Variants in SRPK1 observed in about 807,000 individuals in gnomAD.
The protein encoded by SRPK1 is SFRS protein kinase 1.
SRPK1 carries 52 observed loss-of-function variants against 89.5 expected under a neutral mutation model. The observed-to-expected ratio is 0.58, with a 90% CI of 0.46 to 0.73. The LOEUF is 0.73. Ranked by LOEUF, SRPK1 falls within the 30% of genes least tolerant of loss-of-function variation. SRPK1 has a pLI of 0.00. For missense variants in SRPK1, 603 were observed against 780.6 expected (o/e 0.77, Z 2.71); for synonymous variants, 255 against 270.2 (o/e 0.94, Z 0.55).
Position 35,870,500 on chromosome 6 carries a change from C to A in SRPK1, c.778-6G>T. 6.5e-7 allele frequency: 1 copy of A among 1,549,802 alleles called. No homozygotes were observed. The highest frequency in any genetic ancestry group is 1.2e-5 in the South Asian group (1 of 83,958). Reference sequence around the variant, plus strand: ...TTCTTTGACATTTTGTCAGCCTGGGCGGAGATTACAAACAGATAAAGCCTT... The same window carrying A: ...TTCTTTGACATTTTGTCAGCCTGGGAGGAGATTACAAACAGATAAAGCCTT... On this transcript the variant is annotated splice_polypyrimidine_tract_variant and splice_region_variant and intron_variant, in intron 9 of 15. Transcript: ENST00000373825.
At chr6:35,863,049 G>C (rs1330494570) in intron 12 of SRPK1, among the ~76,000 whole-genome samples, 1 of 151,968 alleles carries the variant, frequency 6.6e-6, no homozygotes, top group Non-Finnish European at 1.5e-5. Flanking sequence ...TACTCAGGAG[G>C]CTGAGCCAGG....
At chr6:35,882,695 A>C (rs564931748) in intron 6 of SRPK1, among the ~76,000 whole-genome samples, 1 of 152,322 alleles carries the variant, frequency 6.6e-6, no homozygotes, top group East Asian at 1.9e-4. Context: ...AGGTACAGAC[A>C]AAACAAGATT....
intron 6 of SRPK1, among the ~76,000 whole-genome samples, chr6:35,875,846 G>A (rs1181860154): frequency 6.6e-6 from 1 of 152,024 alleles, no homozygotes; most frequent in Non-Finnish European, 1.5e-5. Flanking sequence ...TTACAACTGG[G>A]AAATCTGGAA....
chr6:35,890,298 A>G (rs1267019035), intron 3 of SRPK1, among the ~76,000 whole-genome samples: 3 of 152,194 alleles, frequency 2.0e-5, no homozygotes, highest in Admixed American at 1.3e-4. Context: ...AAAACAGAAG[A>G]AGGCCTGAAA....
At chr6:35,916,878 G>A (rs1269696240) in intron 2 of SRPK1, among the ~76,000 whole-genome samples, 1 of 152,154 alleles carries the variant, frequency 6.6e-6, no homozygotes, top group African/African-American at 2.4e-5. Flanking sequence ...CCAACATGGT[G>A]AAACCCTGTC....
chr6:35,839,301 C>T (rs1200083895), intron 14 of SRPK1, among the ~76,000 whole-genome samples: 1 of 152,152 alleles, frequency 6.6e-6, no homozygotes, highest in Non-Finnish European at 1.5e-5. Flanking sequence ...CAGGCCTGAG[C>T]CACCACCTGG....
intron 15 of SRPK1, among the ~76,000 whole-genome samples, 165 bp downstream of exon 15, chr6:35,838,172 C>T (rs1245335562): frequency 1.3e-5 from 2 of 151,982 alleles, no homozygotes; most frequent in Non-Finnish European, 2.9e-5. Context: ...CCGGCTCAGT[C>T]TCTGCTCTTG....
intron 13 of SRPK1, among the ~76,000 whole-genome samples, chr6:35,843,832 C>G (rs1769370436): frequency 6.6e-6 from 1 of 152,008 alleles, no homozygotes; most frequent in African/African-American, 2.4e-5. Flanking sequence ...GTCAGCACTC[C>G]CTAATTAGGA....
At chr6:35,848,227 A>G (rs1263490710) in intron 13 of SRPK1, among the ~76,000 whole-genome samples, 2 of 152,228 alleles carry the variant, frequency 1.3e-5, no homozygotes, top group Non-Finnish European at 2.9e-5. Context: ...TGGAATCACA[A>G]AACATCCCAA....
intron 2 of SRPK1, among the ~76,000 whole-genome samples, chr6:35,916,234 A>T (rs1024473832): frequency 2.7e-5 from 4 of 148,646 alleles, no homozygotes; most frequent in African/African-American, 5.1e-5. Context: ...TCAAATAAAT[A>T]AATAAATAAA....
At chr6:35,837,612 C>T (rs1400637086) in intron 15 of SRPK1, among the ~76,000 whole-genome samples, 1 of 151,682 alleles carries the variant, frequency 6.6e-6, no homozygotes, top group Non-Finnish European at 1.5e-5. Flanking sequence ...TGCTGGAGTG[C>T]AGTGGCAATC....
intron 13 of SRPK1, among the ~76,000 whole-genome samples, chr6:35,853,071 C>T (rs721694): frequency 0.31 from 47,839 of 151,882 alleles, 7,772 homozygotes; most frequent in South Asian, 0.42. Context: ...AAGACCTGGT[C>T]TCTACAAAAA....
intron 2 of SRPK1, among the ~76,000 whole-genome samples, chr6:35,909,203 C>T (rs1466156941): frequency 1.3e-5 from 2 of 152,256 alleles, no homozygotes; most frequent in Non-Finnish European, 2.9e-5. Flanking sequence ...CATGAAGGAG[C>T]TGCCCAAGGC....
intron 4 of SRPK1, 121 bp downstream of exon 4, chr6:35,888,694 C>T (rs1770458058): frequency 1.5e-6 from 1 of 686,108 alleles, no homozygotes; most frequent in African/African-American, 1.8e-5. Flanking sequence ...TTGCCAACAA[C>T]AAAATTCTGA....
At chr6:35,836,468 G>A (rs898686523) in intron 15 of SRPK1, among the ~76,000 whole-genome samples, 3 of 152,024 alleles carry the variant, frequency 2.0e-5, no homozygotes, top group Non-Finnish European at 4.4e-5. Flanking sequence ...AAAATTTTAA[G>A]TTGGCCAGGC....
intron 13 of SRPK1, among the ~76,000 whole-genome samples, chr6:35,855,568 C>T (rs933954470): frequency 1.3e-5 from 2 of 152,094 alleles, no homozygotes; most frequent in African/African-American, 4.8e-5. Context: ...AGGTAGTATA[C>T]AAATATTTAT....
intron 14 of SRPK1, among the ~76,000 whole-genome samples, chr6:35,839,637 C>A (rs114742444): frequency 2.9e-5 from 4 of 137,618 alleles, no homozygotes; most frequent in Admixed American, 7.3e-5. Context: ...ACTGCCCCCC[C>A]CCTTTTTTTT....
intron 2 of SRPK1, among the ~76,000 whole-genome samples, chr6:35,892,689 C>CAAT (rs75021775): frequency 7.4e-6 from 1 of 134,874 alleles, no homozygotes; most frequent in African/African-American, 2.9e-5. Context: ...ACAACAACAA[C>CAAT]GACAACAACA....
At chr6:35,868,940 A>C (rs1769967773) in intron 12 of SRPK1, 70 bp downstream of exon 12, 1 of 1,239,534 alleles carries the variant, frequency 8.1e-7, no homozygotes, top group African/African-American at 1.5e-5. Context: ...GATGTTTTGC[A>C]TAACTAAGTC....
Sources: allele counts gnomAD v4.1 joint callset (sites outside exome capture counted in the v4.1 genomes callset), GRCh38; gene constraint gnomAD v4.1.1; transcripts MANE v1.5; gene names NCBI Gene and HGNC (gene_info 2026-07-23, HGNC 2026-07-21).